Variants in IL1RAPL1 observed in about 807,000 individuals in gnomAD.
IL1RAPL1 encodes the protein interleukin-1 receptor accessory protein-like 1.
In IL1RAPL1, 3 loss-of-function variants were observed where a neutral mutation model predicts 48.4. The ratio of observed to expected loss-of-function variants is 0.06; its 90% confidence interval spans 0.03 to 0.16. The LOEUF is 0.16. Ranked by LOEUF, IL1RAPL1 falls within the 10% of genes least tolerant of loss-of-function variation. The pLI is 1.00. For synonymous variants in IL1RAPL1, 185 were observed against 187.7 expected (o/e 0.99, Z 0.12); for missense variants, 349 against 530.6 (o/e 0.66, Z 3.36).
intron 2 of IL1RAPL1, among the ~76,000 whole-genome samples, chrX:28,943,668 T>C (rs1293971651): frequency 9.1e-6 from 1 of 110,181 alleles, no homozygotes; most frequent in Non-Finnish European, 1.9e-5. Flanking sequence ...CAAAAAGTAA[T>C]GGTATTAAGT....
At chrX:29,810,684 C>T (rs1290879250) in intron 6 of IL1RAPL1, among the ~76,000 whole-genome samples, 1 of 111,499 alleles carries the variant, frequency 9.0e-6, no homozygotes, top group African/African-American at 3.3e-5. Flanking sequence ...ATCTCCAACC[C>T]TAGTCTATAT....
intron 5 of IL1RAPL1, among the ~76,000 whole-genome samples, chrX:29,446,748 C>T: frequency 9.0e-6 from 1 of 111,265 alleles, no homozygotes; most frequent in Middle Eastern, 4.7e-3. Context: ...TTGGAGAAAC[C>T]AGTTATACTT....
At chrX:28,603,674 GGAA>G (rs1934051538) in intron 1 of IL1RAPL1, among the ~76,000 whole-genome samples, 1 of 111,804 alleles carries the variant, frequency 8.9e-6, no homozygotes, top group African/African-American at 3.2e-5. Flanking sequence ...AGGAAAGAAA[GGAA>G]GAAGAAAGGG....
chrX:29,746,954 A>G (rs1928350434), intron 6 of IL1RAPL1, among the ~76,000 whole-genome samples: 2 of 112,518 alleles, frequency 1.8e-5, no homozygotes, highest in African/African-American at 6.5e-5. Flanking sequence ...TAAAAAAAAC[A>G]AAACAATAAA....
Position 29,080,994 on chromosome X carries a change from T to TTCTTTC in IL1RAPL1, c.83-201941_83-201940insTTCTCT, listed in dbSNP as rs1569232789. Among the ~76,000 whole-genome samples, 54 of 26,427 alleles carry TTCTTTC rather than the reference T, an allele frequency of 2.0e-3. 1 individual carries two copies. The highest frequency in any genetic ancestry group is 2.8e-3 in the Non-Finnish European group (36 of 12,749). 22.9% of individuals were successfully genotyped at this position (26,427 alleles called of 115,157 possible). On this transcript the variant is annotated intron_variant, in intron 2 of 10. Transcript: ENST00000378993. ...TTTCTTTCTTTCTTTCTTTCTTTCT[T>TTCTTTC]TCTCTCTCTCTCTCTCTCTCTCTCT...
chrX:29,907,205 T>G (rs1382831517), intron 6 of IL1RAPL1, among the ~76,000 whole-genome samples: 4 of 111,173 alleles, frequency 3.6e-5, no homozygotes, highest in Non-Finnish European at 7.6e-5. Flanking sequence ...TTAAAATTAT[T>G]TTTCCTTTTT....
chrX:29,603,191 G>A (rs1236663808), intron 5 of IL1RAPL1, among the ~76,000 whole-genome samples: 2 of 108,304 alleles, frequency 1.8e-5, no homozygotes, highest in Non-Finnish European at 3.8e-5. Context: ...ACTTGAACCT[G>A]GGAGGCAGAG....
At chrX:29,387,119 G>C (rs1407760410) in intron 3 of IL1RAPL1, among the ~76,000 whole-genome samples, 1 of 111,524 alleles carries the variant, frequency 9.0e-6, no homozygotes, top group Non-Finnish European at 1.9e-5. Flanking sequence ...ATTAGGAAGT[G>C]GTGAAGAAAG....
At chrX:29,291,295 C>T (rs530693237) in intron 3 of IL1RAPL1, among the ~76,000 whole-genome samples, 4 of 111,562 alleles carry the variant, frequency 3.6e-5, no homozygotes, top group South Asian at 7.6e-4. Context: ...ATGGGGGCTG[C>T]GGATAGGAGA....
intron 8 of IL1RAPL1, among the ~76,000 whole-genome samples, chrX:29,929,373 T>A (rs988548283): frequency 4.2e-4 from 47 of 111,826 alleles, no homozygotes; most frequent in African/African-American, 1.4e-3. Flanking sequence ...ATTTGTAAAC[T>A]AATTGCCCCT....
At chrX:29,196,171 T>A (rs113038370) in intron 2 of IL1RAPL1, among the ~76,000 whole-genome samples, 152 of 112,098 alleles carry the variant, frequency 1.4e-3, no homozygotes, top group African/African-American at 4.7e-3. Context: ...CAGATGTATT[T>A]TGTACTTTGA....
intron 3 of IL1RAPL1, among the ~76,000 whole-genome samples, chrX:29,316,524 A>T (rs1435032527): frequency 8.9e-6 from 1 of 112,455 alleles, no homozygotes; most frequent in Non-Finnish European, 1.9e-5. Context: ...TATTTTAGGC[A>T]GTCAGATTAC....
intron 5 of IL1RAPL1, among the ~76,000 whole-genome samples, chrX:29,438,092 A>G (rs1386762907): frequency 1.8e-5 from 2 of 111,229 alleles, no homozygotes; most frequent in Non-Finnish European, 3.8e-5. Context: ...TTAAATTCAT[A>G]TTGAGTGAGT....
chrX:29,811,693 A>G (rs1930384430), intron 6 of IL1RAPL1, among the ~76,000 whole-genome samples: 1 of 111,488 alleles, frequency 9.0e-6, no homozygotes, highest in African/African-American at 3.3e-5. Context: ...CATGTTTCTG[A>G]TCTTGATTAT....
intron 5 of IL1RAPL1, among the ~76,000 whole-genome samples, chrX:29,594,475 T>C (rs999116533): frequency 7.2e-5 from 8 of 111,588 alleles, no homozygotes; most frequent in Non-Finnish European, 1.5e-4. Flanking sequence ...AAAAATTGCC[T>C]AAAATTCTCT....
At chrX:29,089,749 AAT>A (rs1159198583) in intron 2 of IL1RAPL1, among the ~76,000 whole-genome samples, 195 of 16,969 alleles carry the variant, frequency 0.011, 7 homozygotes, top group South Asian at 0.08. Flanking sequence ...GAGAAATATG[AAT>A]ATATATATAT....
intron 3 of IL1RAPL1, among the ~76,000 whole-genome samples, chrX:29,364,881 G>T (rs912191152): frequency 1.8e-5 from 2 of 111,262 alleles, no homozygotes; most frequent in African/African-American, 6.5e-5. Context: ...AGGGATGACT[G>T]TATAGACTTT....
At chrX:29,651,796 C>T (rs1925526573) in intron 5 of IL1RAPL1, among the ~76,000 whole-genome samples, 1 of 111,694 alleles carries the variant, frequency 9.0e-6, no homozygotes, top group Non-Finnish European at 1.9e-5. Context: ...AAAATGACAA[C>T]TACGTGAGGT....
At chrX:29,021,215 GAAAAAAAAAAAAA>G (rs746008500) in intron 2 of IL1RAPL1, among the ~76,000 whole-genome samples, 4 of 41,946 alleles carry the variant, frequency 9.5e-5, no homozygotes, top group South Asian at 2.6e-3. Context: ...CCGTCTCAAG[GAAAAAAAAAAAAA>G]AAAAAAAAAA....
Sources: gnomAD v4.1 joint callset for allele counts (sites outside exome capture counted in the v4.1 genomes callset) on GRCh38, gnomAD v4.1.1 for gene constraint, MANE v1.5 for transcripts, NCBI Gene and HGNC (gene_info 2026-07-23, HGNC 2026-07-21) for gene names.